APTX: variants seen among roughly 807,000 people sequenced by gnomAD.
APTX encodes the protein forkhead-associated domain histidine triad-like protein.
APTX carries 33 observed loss-of-function variants against 42.3 expected under a neutral mutation model. That is an observed-to-expected ratio of 0.78 (90% CI 0.59 to 1.04). The LOEUF is 1.04. Ranked by LOEUF, APTX falls within the 50% of genes least tolerant of loss-of-function variation. APTX has a pLI of 0.00. For missense variants in APTX, 421 were observed against 415.1 expected, an observed-to-expected ratio of 1.01 and a Z score of -0.12; for synonymous variants, 130 against 146.7, an observed-to-expected ratio of 0.89 and a Z score of 0.82.
At chr9:33,004,959 T>C (rs1302940287), upstream of APTX, among the ~76,000 whole-genome samples, 1 of 152,120 alleles carries the variant, frequency 6.6e-6, no homozygotes, top group Non-Finnish European at 1.5e-5. Context: ...TTTTTTTTGA[T>C]AGCAGCCATC....
chr9:33,004,985 T>TGGTA (rs1837035171), upstream of APTX, among the ~76,000 whole-genome samples: 2 of 152,064 alleles, frequency 1.3e-5, no homozygotes, highest in East Asian at 1.9e-4. Context: ...GGGTGTGAAA[T>TGGTA]GGTATCTCAT....
chr9:32,980,601 C>A (rs535607647), intron 6 of APTX, among the ~76,000 whole-genome samples: 1 of 152,168 alleles, frequency 6.6e-6, no homozygotes, highest in Non-Finnish European at 1.5e-5. Flanking sequence ...GAAGAAAGGA[C>A]GGATAGGGAG....
chr9:32,986,625 T>A (rs992452908), intron 4 of APTX, among the ~76,000 whole-genome samples: 1 of 149,138 alleles, frequency 6.7e-6, no homozygotes, highest in African/African-American at 2.5e-5. Context: ...GCCCAGCCTC[T>A]GGAGTTGCTG....
chr9:33,013,577 C>T (rs946475507), intron 1 of APTX, among the ~76,000 whole-genome samples: 39 of 152,252 alleles, frequency 2.6e-4, no homozygotes, highest in South Asian at 6.2e-4. Flanking sequence ...GAGGCCAAGG[C>T]GGGCAGATCA....
rs1837921762 is a variant in APTX, at chr9:33,016,659, T to C, written c.-5+8364A>G. Among the ~76,000 whole-genome samples the C allele has an allele frequency of 1.3e-5, 2 of 149,852 alleles. 1 individual carries two copies. The highest frequency in any genetic ancestry group is 4.2e-4 in the South Asian group (2 of 4,762). On this transcript the variant is annotated intron_variant, in intron 1 of 6. Transcript: ENST00000436040. ...TTTAACTTAGAGTGACTAAATAGAA[T>C]GCATTACACTCCCCCCCCCATTTTT...
At chr9:32,974,629 G>T in intron 6 of APTX, 68 bp from the exon 7 acceptor site, 1 of 853,506 alleles carries the variant, frequency 1.2e-6, no homozygotes, top group Non-Finnish European at 2.0e-6. Flanking sequence ...AAATGACAAA[G>T]AGTATGAGTA....
At chr9:32,984,990 G>A (rs1831592352) in intron 5 of APTX, 133 bp from the exon 6 acceptor site, 1 of 790,088 alleles carries the variant, frequency 1.3e-6, no homozygotes, top group African/African-American at 1.7e-5. Flanking sequence ...TTTTGAGAGA[G>A]GAGAGCACTG....
At chr9:33,023,221 A>AT (rs144638093) in intron 1 of APTX, among the ~76,000 whole-genome samples, 1,815 of 143,332 alleles carry the variant, frequency 0.013, 26 homozygotes, top group African/African-American at 0.04. Context: ...GACTTATGTG[A>AT]TTTTTTTTTT....
intron 1 of APTX, among the ~76,000 whole-genome samples, chr9:33,007,527 G>A (rs1289280923): frequency 6.6e-6 from 1 of 152,168 alleles, no homozygotes; most frequent in African/African-American, 2.4e-5. Context: ...GGGATATTTG[G>A]GGGCAGCATC....
chr9:32,977,033 C>T lies in APTX; in HGVS notation c.771-2472G>A, dbSNP rs369134332. On this transcript the variant is annotated intron_variant, in intron 6 of 7. Coordinates refer to ENST00000379817, the MANE Select transcript of APTX (RefSeq NM_001195248.2). The stretch of plus-strand genomic sequence containing the variant: ...TTGTCCTTTAATATTTGTAGATACA[C>T]GCCAATATGAAAAAAAATGTAATTT... 2.8e-3 allele frequency among the ~76,000 whole-genome samples: 423 copies of T among 151,910 alleles called. 1 individual carries two copies. Among genetic ancestry groups the T allele is most frequent in the South Asian group, 8.3e-3 (40 of 4,820 alleles).
intron 2 of APTX, chr9:32,989,461 C>T (rs571533271): frequency 1.1e-4 from 55 of 505,230 alleles, no homozygotes; most frequent in Non-Finnish European, 1.9e-4. Flanking sequence ...TTACATCTTG[C>T]TGCCCATTGA....
upstream of APTX, among the ~76,000 whole-genome samples, chr9:33,004,518 C>A (rs997417728): frequency 6.6e-6 from 1 of 152,010 alleles, no homozygotes; most frequent in Non-Finnish European, 1.5e-5. Flanking sequence ...TATGGTAATT[C>A]CATTTTTAAT....
intron 1 of APTX, among the ~76,000 whole-genome samples, chr9:33,018,946 T>A (rs1838136238): frequency 6.6e-6 from 1 of 152,134 alleles, no homozygotes; most frequent in African/African-American, 2.4e-5. Context: ...TGAGAAACTG[T>A]CACAGTCAAG....
Position 32,973,505 on chromosome 9 carries a change from G to A in APTX, c.1022C>T (p.Thr341Ile). ...AGCTCAGGCTCTGCAGAATCACTGT[G>A]TCCAGTGCTTCCTGAGATGTTCTTT... ...QLKEHLRKHW[T>I]Q Residue 341 changes from threonine to isoleucine, a missense_variant, in exon 8 of 8, where the codon ACA becomes ATA. Physicochemically the swap from Thr to Ile is moderately conservative, Grantham distance 89. Transcript: ENST00000379817. The A allele has an allele frequency of 6.2e-7, 1 of 1,614,112 alleles. No individual in the cohort carries two copies. The highest frequency in any genetic ancestry group is 8.5e-7 in the Non-Finnish European group (1 of 1,180,014).
At position 32,972,643 on chromosome 9, in the gene APTX, A is replaced by G. The variant is rs1458921144; in HGVS notation, c.*855T>C. 1 of 404,388 alleles carries G rather than the reference A, an allele frequency of 2.5e-6. No homozygotes were observed. Among genetic ancestry groups the G allele is most frequent in the Non-Finnish European group, 4.9e-6 (1 of 204,680 alleles). The allele number at this position is 404,388 out of a possible 1,614,324, so 25.0% of individuals were successfully genotyped here. A position where few individuals can be genotyped will look rare whatever the true frequency, so the allele number is the denominator to read the frequency against. ...TTTTATCCAAATTTATTCTCAGGGA[A>G]AAAGAAAGTAGTGGCTCTACGCAAC... is the stretch of plus-strand genomic sequence containing the variant. On this transcript the variant is annotated 3_prime_UTR_variant, in exon 8 of 8. Transcript: ENST00000379817.
chr9:32,997,452 C>T (rs931766562), intron 1 of APTX: 3 of 152,124 alleles, frequency 2.0e-5, no homozygotes, highest in African/African-American at 7.2e-5. Flanking sequence ...AGTACCCAAC[C>T]GAGATTGGGA....
chr9:32,983,463 T>C (rs533127051), intron 6 of APTX, among the ~76,000 whole-genome samples: 2 of 152,214 alleles, frequency 1.3e-5, no homozygotes, highest in South Asian at 4.1e-4. Context: ...TACACGCTTA[T>C]GAAAACTGAT....
chr9:33,023,214 TTA>T (rs1838534783), intron 1 of APTX, among the ~76,000 whole-genome samples: 1 of 151,686 alleles, frequency 6.6e-6, no homozygotes, highest in Non-Finnish European at 1.5e-5. Flanking sequence ...GGACCACGAC[TTA>T]TGTGATTTTT....
At chr9:33,024,414 G>A (rs1838675080) in intron 1 of APTX, among the ~76,000 whole-genome samples, 1 of 152,246 alleles carries the variant, frequency 6.6e-6, no homozygotes, top group African/African-American at 2.4e-5. Flanking sequence ...CCATTTTCAA[G>A]TCCGAGGTCT....
Sources: allele counts gnomAD v4.1 joint callset (sites outside exome capture counted in the v4.1 genomes callset), GRCh38; gene constraint gnomAD v4.1.1; transcripts MANE v1.5; gene names NCBI Gene and HGNC (gene_info 2026-07-23, HGNC 2026-07-21).